The following PTPN4 variants were observed in gnomAD, a reference collection of about 807,000 sequenced individuals.
PTPN4 encodes the protein tyrosine-protein phosphatase non-receptor type 4.
PTPN4 carries 49 observed loss-of-function variants against 135.5 expected under a neutral mutation model. That is an observed-to-expected ratio of 0.36 (90% CI 0.29 to 0.46). PTPN4 has a LOEUF of 0.46. Among genes scored for constraint, PTPN4 ranks in the 20% least tolerant of loss-of-function variants. PTPN4 has a pLI of 1.00. For missense variants in PTPN4, 860 were observed against 1,101.0 expected, an observed-to-expected ratio of 0.78 and a Z score of 3.10; for synonymous variants, 333 against 369.9, an observed-to-expected ratio of 0.90 and a Z score of 1.14.
intron 1 of PTPN4, among the ~76,000 whole-genome samples, chr2:119,798,932 G>C (rs1004643855): frequency 6.6e-6 from 1 of 152,184 alleles, no homozygotes; most frequent in Non-Finnish European, 1.5e-5. Flanking sequence ...GGACCTGAAG[G>C]GTGGAAAATA....
intron 26 of PTPN4, among the ~76,000 whole-genome samples, chr2:119,971,086 C>G (rs1347952912): frequency 1.3e-5 from 2 of 152,124 alleles, no homozygotes; most frequent in Non-Finnish European, 2.9e-5. Context: ...ACACTTGAGA[C>G]TGGGTAATTT....
intron 9 of PTPN4, among the ~76,000 whole-genome samples, chr2:119,898,014 T>A (rs72971016): frequency 2.6e-5 from 4 of 152,182 alleles, no homozygotes; most frequent in African/African-American, 9.7e-5. Context: ...ATTTAGCTAC[T>A]TTTATAGCAG....
At chr2:119,806,947 T>A (rs960075780) in intron 1 of PTPN4, among the ~76,000 whole-genome samples, 1 of 152,240 alleles carries the variant, frequency 6.6e-6, no homozygotes, top group East Asian at 1.9e-4. Flanking sequence ...CACAACTACA[T>A]GGAAACTGAA....
At chr2:119,770,508 T>G (rs1316527486) in intron 1 of PTPN4, among the ~76,000 whole-genome samples, 1 of 152,230 alleles carries the variant, frequency 6.6e-6, no homozygotes, top group Non-Finnish European at 1.5e-5. Context: ...TTTTGTATAT[T>G]CTATGGTATT....
chr2:119,779,612 G>A (rs1303859305), intron 1 of PTPN4, among the ~76,000 whole-genome samples: 9 of 137,096 alleles, frequency 6.6e-5, no homozygotes, highest in East Asian at 4.2e-4. Context: ...GCGAGACTCC[G>A]TCTCAAAAAA....
intron 15 of PTPN4, among the ~76,000 whole-genome samples, chr2:119,936,072 G>A (rs140964769): frequency 0.015 from 2,265 of 151,634 alleles, 49 homozygotes; most frequent in African/African-American, 0.052. Context: ...GCGCTATCTC[G>A]GCTCACTGCA....
chr2:119,800,416 G>A (rs757774168), intron 1 of PTPN4, among the ~76,000 whole-genome samples: 23 of 148,414 alleles, frequency 1.5e-4, no homozygotes, highest in Non-Finnish European at 2.7e-4. Flanking sequence ...ATGTTTTTTT[G>A]CCCATTTTCT....
At chr2:119,773,903 A>G (rs1477113041) in intron 1 of PTPN4, among the ~76,000 whole-genome samples, 3 of 152,230 alleles carry the variant, frequency 2.0e-5, no homozygotes, top group Non-Finnish European at 2.9e-5. Context: ...TATCATTTGC[A>G]GTTGAGAGAA....
intron 26 of PTPN4, among the ~76,000 whole-genome samples, chr2:119,970,162 C>T (rs543198533): frequency 3.9e-5 from 6 of 152,166 alleles, no homozygotes; most frequent in East Asian, 1.9e-4. Flanking sequence ...CGGGTTCAAG[C>T]GATTCTCCTG....
At chr2:119,838,321 G>A (rs913013837) in intron 2 of PTPN4, among the ~76,000 whole-genome samples, 4 of 152,022 alleles carry the variant, frequency 2.6e-5, no homozygotes, top group African/African-American at 7.2e-5. Flanking sequence ...CAAGCCCAGC[G>A]GGTATGAGCA....
intron 20 of PTPN4, among the ~76,000 whole-genome samples, chr2:119,956,218 TTTAAA>T (rs1679279110): frequency 1.3e-5 from 2 of 150,704 alleles, no homozygotes; most frequent in Admixed American, 1.3e-4. Flanking sequence ...ACCTAATTTG[TTTAAA>T]TTAATAAACC....
intron 3 of PTPN4, among the ~76,000 whole-genome samples, chr2:119,867,510 G>C (rs954180526): frequency 2.0e-5 from 3 of 152,110 alleles, no homozygotes; most frequent in African/African-American, 7.2e-5. Context: ...CATGCAAATA[G>C]TATTGTTGGT....
At chr2:119,951,886 G>T in intron 18 of PTPN4, 87 bp from the exon 19 acceptor site, 1 of 1,070,514 alleles carries the variant, frequency 9.3e-7, no homozygotes, top group South Asian at 2.1e-5. Context: ...TAGTTCTCCT[G>T]CTATTGGGTC....
At chr2:119,869,282 G>C (rs1677875730) in intron 3 of PTPN4, among the ~76,000 whole-genome samples, 1 of 152,220 alleles carries the variant, frequency 6.6e-6, no homozygotes, top group African/African-American at 2.4e-5. Context: ...TAGGGTGATA[G>C]AAATATCTTG....
intron 2 of PTPN4, among the ~76,000 whole-genome samples, chr2:119,857,636 T>C (rs913779717): frequency 6.6e-6 from 1 of 152,226 alleles, no homozygotes; most frequent in South Asian, 2.1e-4. Context: ...AAATAATTTC[T>C]TAATAACTCC....
chr2:119,934,762 A>G, intron 14 of PTPN4, 38 bp from the exon 15 acceptor site: 2 of 1,593,948 alleles, frequency 1.3e-6, no homozygotes, highest in Non-Finnish European at 1.7e-6. Context: ...TTTGAATTGA[A>G]GCATATTTTT....
chr2:119,934,930 G>A lies in PTPN4; in HGVS notation c.1327G>A (p.Ala443Thr), dbSNP rs76063791. ...TCAGAGATCTCCGTCATCAACACAA[G>A]CTAATAGCATTGTTCTGGAATCATC... ...VNQRSPSSTQ[A>T]NSIVLESSPS... Residue 443 changes from alanine to threonine, a missense_variant, in exon 15 of 27, where the codon GCT (alanine) becomes ACT (threonine). Physicochemically the swap from Ala to Thr is moderately conservative, Grantham distance 58. Transcript: ENST00000263708. The A allele has an allele frequency of 5.6e-4, 903 of 1,613,842 alleles. 3 individuals carry two copies. The African/African-American group carries it at 0.011, about 19-fold the overall frequency.
chr2:119,925,733 CTT>C (rs1678814836), intron 12 of PTPN4, among the ~76,000 whole-genome samples: 1 of 152,166 alleles, frequency 6.6e-6, no homozygotes, highest in Non-Finnish European at 1.5e-5. Flanking sequence ...TTGAAATACT[CTT>C]TTGACTGACA....
intron 2 of PTPN4, among the ~76,000 whole-genome samples, chr2:119,832,864 A>G (rs2104964259): frequency 6.6e-6 from 1 of 152,312 alleles, no homozygotes; most frequent in East Asian, 1.9e-4. Context: ...TTGAATTAGA[A>G]TCATAAGACT....
Sources: allele counts gnomAD v4.1 joint callset (sites outside exome capture counted in the v4.1 genomes callset), GRCh38; gene constraint gnomAD v4.1.1; transcripts MANE v1.5; gene names NCBI Gene and HGNC (gene_info 2026-07-23, HGNC 2026-07-21).